Variants in DOCK1 observed in about 807,000 individuals in gnomAD.
DOCK1 encodes dedicator of cytokinesis protein 1.
Under a neutral mutation model 262.7 loss-of-function variants are expected in DOCK1, and 138 were observed. The ratio of observed to expected loss-of-function variants is 0.53; its 90% CI spans 0.46 to 0.61. The LOEUF (loss-of-function observed/expected upper bound fraction) is 0.61. DOCK1 is among the 20% of genes least tolerant of loss of function. The pLI is 0.00. For missense variants in DOCK1, 1,908 were observed against 2,370.7 expected, an observed-to-expected ratio of 0.80 and a Z score of 4.05; for synonymous variants, 866 against 867.4, an observed-to-expected ratio of 1.00 and a Z score of 0.03.
At chr10:126,990,980 T>C (rs2039744988) in intron 6 of DOCK1, among the ~76,000 whole-genome samples, 1 of 152,242 alleles carries the variant, frequency 6.6e-6, no homozygotes, top group Non-Finnish European at 1.5e-5. Flanking sequence ...CAGGTTTCTT[T>C]CTGTGGAATC....
intron 27 of DOCK1, among the ~76,000 whole-genome samples, chr10:127,183,490 G>A (rs2055933058): frequency 6.6e-6 from 1 of 152,210 alleles, no homozygotes; most frequent in African/African-American, 2.4e-5. Context: ...AAGGAGACTT[G>A]AGCATTTCTT....
chr10:127,237,304 G>A (rs2059107433), intron 27 of DOCK1, among the ~76,000 whole-genome samples: 1 of 150,580 alleles, frequency 6.6e-6, no homozygotes, highest in African/African-American at 2.4e-5. Context: ...AGGTTGCAGT[G>A]GGCCGAGACC....
intron 29 of DOCK1, among the ~76,000 whole-genome samples, chr10:127,271,382 A>AT (rs2060562734): frequency 6.6e-6 from 1 of 152,244 alleles, no homozygotes; most frequent in Non-Finnish European, 1.5e-5. Context: ...ATAAAGTTGA[A>AT]TAATATACTT....
At chr10:127,398,058 G>C (rs1294240731) in intron 38 of DOCK1, among the ~76,000 whole-genome samples, 2 of 152,208 alleles carry the variant, frequency 1.3e-5, no homozygotes, top group Non-Finnish European at 2.9e-5. Flanking sequence ...TGACATTGAA[G>C]TGGCTGATCC....
chr10:127,250,791 CAAAAAAAAAAAAAAAAA>C lies in DOCK1; in HGVS notation c.2949+2697_2949+2713del, dbSNP rs1180814401. On this transcript the variant is annotated intron_variant, in intron 28 of 51. Coordinates refer to ENST00000623213, the MANE Select transcript of DOCK1 (RefSeq NM_001290223.2). The stretch of plus-strand genomic sequence containing the variant: ...TGGGCGACACAGTGAGACTCCGTCT[CAAAAAAAAAAAAAAAAA>C]AAAAAAAAAAAAAATGACGTTTGTG... Among the ~76,000 whole-genome samples the C allele has an allele frequency of 3.6e-4, 23 of 64,066 alleles. 1 individual carries two copies. Among genetic ancestry groups the C allele is most frequent in the African/African-American group, 1.5e-3 (22 of 14,384 alleles). The allele number at this position is 64,066 out of a possible 152,430, so 42.0% of individuals were successfully genotyped here. A position where few individuals can be genotyped will look rare whatever the true frequency, so the allele number is the denominator to read the frequency against.
chr10:127,217,556 G>A (rs914892419), intron 27 of DOCK1, among the ~76,000 whole-genome samples: 9 of 152,166 alleles, frequency 5.9e-5, no homozygotes, highest in Non-Finnish European at 5.9e-5. Context: ...TCACTTAACA[G>A]TTTCTTATCT....
intron 31 of DOCK1, among the ~76,000 whole-genome samples, chr10:127,354,297 G>T (rs777543860): frequency 6.6e-6 from 1 of 152,326 alleles, no homozygotes; most frequent in South Asian, 2.1e-4. Context: ...GCAACCTGTT[G>T]TGTGCAGTAG....
intron 19 of DOCK1, among the ~76,000 whole-genome samples, chr10:127,041,667 A>G (rs1478824639): frequency 6.6e-6 from 1 of 152,190 alleles, no homozygotes; most frequent in Non-Finnish European, 1.5e-5. Flanking sequence ...ACAATTGTAC[A>G]TTTCTACCAG....
At chr10:127,411,565 G>A (rs1386921171) in intron 43 of DOCK1, among the ~76,000 whole-genome samples, 1 of 152,196 alleles carries the variant, frequency 6.6e-6, no homozygotes, top group African/African-American at 2.4e-5. Context: ...TCCAGGCCAG[G>A]CATGGTGGCT....
At chr10:127,117,344 T>C (rs2049253378) in intron 25 of DOCK1, among the ~76,000 whole-genome samples, 1 of 152,184 alleles carries the variant, frequency 6.6e-6, no homozygotes, top group Admixed American at 6.5e-5. Context: ...GTGGTGCTGA[T>C]TGAGGAGGTG....
At chr10:127,104,416 T>A (rs908646368) in intron 23 of DOCK1, among the ~76,000 whole-genome samples, 8 of 152,336 alleles carry the variant, frequency 5.3e-5, no homozygotes, top group Admixed American at 2.6e-4. Flanking sequence ...AGATCGGTGA[T>A]CTATTTAAAG....
At chr10:127,358,949 T>C (rs1198092932) in intron 32 of DOCK1, among the ~76,000 whole-genome samples, 1 of 152,134 alleles carries the variant, frequency 6.6e-6, no homozygotes, top group Non-Finnish European at 1.5e-5. Flanking sequence ...AAATAGACTC[T>C]AGATGGGCTA....
chr10:127,013,932 C>T lies in DOCK1; in HGVS notation c.1201+1558C>T, dbSNP rs562289554. The stretch of plus-strand genomic sequence containing the variant: ...GCCGGGACTGCAGGGCGCTGCCCAC[C>T]GGCGCTCATTTTATCACCAGCAGCC... On this transcript the variant is annotated intron_variant, in intron 12 of 51. Transcript: ENST00000623213. Among the ~76,000 whole-genome samples, 25 of 152,332 alleles carry T rather than the reference C, an allele frequency of 1.6e-4. No homozygotes were observed. The South Asian group carries it at 2.9e-3, about 18-fold the overall frequency.
chr10:127,380,996 ACAAT>A (rs960528020), intron 36 of DOCK1, among the ~76,000 whole-genome samples: 11 of 152,214 alleles, frequency 7.2e-5, no homozygotes, highest in Non-Finnish European at 1.6e-4. Context: ...GCAGAAAATC[ACAAT>A]CAAGTATTGT....
chr10:127,151,520 A>G (rs1023360375), intron 27 of DOCK1, among the ~76,000 whole-genome samples: 1 of 152,126 alleles, frequency 6.6e-6, no homozygotes, highest in African/African-American at 2.4e-5. Context: ...CTCTTCCTCA[A>G]ACACTACCTC....
At chr10:127,269,701 C>G (rs78681192) in intron 29 of DOCK1, among the ~76,000 whole-genome samples, 180 of 152,252 alleles carry the variant, frequency 1.2e-3, no homozygotes, top group African/African-American at 4.2e-3. Flanking sequence ...CCTGTGTTGT[C>G]CCTCATGTGC....
chr10:126,940,296 T>C (rs926686943), intron 1 of DOCK1, among the ~76,000 whole-genome samples: 1 of 152,228 alleles, frequency 6.6e-6, no homozygotes, highest in African/African-American at 2.4e-5. Flanking sequence ...ATAAAACTGT[T>C]CTAGAAGGAA....
intron 27 of DOCK1, among the ~76,000 whole-genome samples, chr10:127,223,772 C>T (rs2058529683): frequency 6.6e-6 from 1 of 152,108 alleles, no homozygotes; most frequent in Non-Finnish European, 1.5e-5. Flanking sequence ...AGAAGTGAGG[C>T]TTTTTAAGAA....
intron 29 of DOCK1, among the ~76,000 whole-genome samples, chr10:127,262,176 G>A (rs1049096668): frequency 1.1e-4 from 15 of 141,620 alleles, no homozygotes; most frequent in Non-Finnish European, 2.2e-4. Context: ...GCATGTGGGT[G>A]TGTGTGTGTG....
Sources: allele counts gnomAD v4.1 joint callset (sites outside exome capture counted in the v4.1 genomes callset), GRCh38; gene constraint gnomAD v4.1.1; transcripts MANE v1.5; gene names NCBI Gene and HGNC (gene_info 2026-07-23, HGNC 2026-07-21).